The following CACUL1 variants were observed in gnomAD, a reference collection of about 807,000 sequenced individuals.
CACUL1 encodes CDK2 associated cullin domain 1, also known as CDK2-associated and cullin domain-containing protein 1.
In CACUL1, 13 loss-of-function variants were observed where a neutral mutation model predicts 45.2. The observed-to-expected ratio is 0.29, with a 90% CI of 0.19 to 0.46. The LOEUF (loss-of-function observed/expected upper bound fraction) is 0.46, where lower values mean the gene tolerates loss of function less well. Ranked by LOEUF, CACUL1 falls within the 20% of genes least tolerant of loss-of-function variation. CACUL1 has a pLI of 1.00. For missense variants in CACUL1, 421 were observed against 471.4 expected (o/e 0.89, Z 0.99); for synonymous variants, 197 against 174.2 (o/e 1.13, Z -1.03).
At chr10:118,742,885 T>C (rs1202666875) in intron 1 of CACUL1, among the ~76,000 whole-genome samples, 2 of 152,136 alleles carry the variant, frequency 1.3e-5, no homozygotes, top group Non-Finnish European at 2.9e-5. Context: ...AACTTGGGAA[T>C]ACATGTGGGA....
At chr10:118,696,106 G>A (rs1430788833) in intron 5 of CACUL1, among the ~76,000 whole-genome samples, 4 of 152,088 alleles carry the variant, frequency 2.6e-5, no homozygotes, top group Admixed American at 6.6e-5. Context: ...AGTCTCAAAC[G>A]TACAATTTGA....
Position 118,682,029 on chromosome 10 carries a change from G to A in CACUL1, c.*4099C>T, listed in dbSNP as rs1024837688. 20 of 152,090 alleles carry A rather than the reference G, an allele frequency of 1.3e-4. No individual in the cohort carries two copies. The highest frequency in any genetic ancestry group is 1.1e-3 in the Admixed American group (17 of 15,270). 9.4% of individuals were successfully genotyped at this position (152,090 alleles called of 1,614,324 possible). A position where few individuals can be genotyped will look rare whatever the true frequency, so the allele number is the denominator to read the frequency against. The stretch of plus-strand genomic sequence containing the variant: ...CAAAGTTAACTTCATTTATACAATC[G>A]TATTGAAAACAGTAATCACAACCAA... On this transcript the variant is annotated 3_prime_UTR_variant, in exon 9 of 9. Transcript: ENST00000369151.
Position 118,716,058 on chromosome 10 carries a change from C to T in CACUL1, c.598-8471G>A, listed in dbSNP as rs146896103. Among the ~76,000 whole-genome samples, 581 of 152,178 alleles carry T rather than the reference C, an allele frequency of 3.8e-3. 5 individuals carry two copies. The highest frequency in any genetic ancestry group is 0.013 in the African/African-American group (544 of 41,522). Reference sequence around the variant, plus strand: ...GAGACCATCCTAACACGGTGAAACCCCGTCTCTACTAAAAATACTAAAAAT... The same window carrying T: ...GAGACCATCCTAACACGGTGAAACCTCGTCTCTACTAAAAATACTAAAAAT... On this transcript the variant is annotated intron_variant, in intron 3 of 8. Coordinates refer to ENST00000369151, the MANE Select transcript of CACUL1 (RefSeq NM_153810.5).
In CACUL1 at chr10:118,684,837, C is replaced by T. The variant is rs928243981; in HGVS notation, c.*1291G>A. 6.6e-6 allele frequency: 1 copy of T among 152,150 alleles called. No individual in the cohort carries two copies. The highest frequency in any genetic ancestry group is 2.4e-5 in the African/African-American group (1 of 41,426). The allele number at this position is 152,150 out of a possible 1,614,324, so 9.4% of individuals were successfully genotyped here. A position where few individuals can be genotyped will look rare whatever the true frequency, so the allele number is the denominator to read the frequency against. ...AGTCTGATGTTGCCTAGTAGAGAAG[C>T]CTATGCTCAATTAAGATTCAAGCAA... is the stretch of plus-strand genomic sequence containing the variant. On this transcript the variant is annotated 3_prime_UTR_variant, in exon 9 of 9. Transcript: ENST00000369151.
chr10:118,713,203 G>C (rs1475529496), intron 3 of CACUL1, among the ~76,000 whole-genome samples: 2 of 152,234 alleles, frequency 1.3e-5, no homozygotes, highest in Non-Finnish European at 2.9e-5. Flanking sequence ...GACAGCACCT[G>C]GGCTCGCCCC....
At chr10:118,697,176 C>A (rs1054390713) in intron 5 of CACUL1, among the ~76,000 whole-genome samples, 3 of 152,148 alleles carry the variant, frequency 2.0e-5, no homozygotes, top group African/African-American at 7.2e-5. Flanking sequence ...GAGTACTGAG[C>A]ATTTAGTAAG....
chr10:118,744,919 G>A (rs1845827077), intron 1 of CACUL1, among the ~76,000 whole-genome samples: 1 of 152,128 alleles, frequency 6.6e-6, no homozygotes, highest in African/African-American at 2.4e-5. Context: ...CTCCCAAAGT[G>A]CTGGGATTAC....
intron 1 of CACUL1, among the ~76,000 whole-genome samples, chr10:118,737,725 C>T (rs1055695965): frequency 2.0e-5 from 3 of 151,460 alleles, no homozygotes; most frequent in Non-Finnish European, 4.4e-5. Context: ...TAGTGGCCTA[C>T]CAGCAGATTG....
intron 1 of CACUL1, among the ~76,000 whole-genome samples, chr10:118,733,590 T>C (rs552855590): frequency 4.5e-4 from 68 of 152,328 alleles, no homozygotes; most frequent in African/African-American, 1.6e-3. Context: ...TAGCTATTTG[T>C]TCAGTTTAAC....
At chr10:118,703,708 T>C (rs796110500) in intron 4 of CACUL1, among the ~76,000 whole-genome samples, 9 of 152,340 alleles carry the variant, frequency 5.9e-5, no homozygotes, top group African/African-American at 2.2e-4. Context: ...TGTTTCTTTA[T>C]AGATTCACCA....
chr10:118,735,296 G>T (rs927579424), intron 1 of CACUL1, among the ~76,000 whole-genome samples: 6 of 152,152 alleles, frequency 3.9e-5, no homozygotes, highest in Non-Finnish European at 5.9e-5. Flanking sequence ...GTTTATAAGG[G>T]AAGAATAAAT....
chr10:118,709,218 G>A lies in CACUL1; in HGVS notation c.598-1631C>T, dbSNP rs1564832093. On this transcript the variant is annotated intron_variant, in intron 3 of 8. Transcript: ENST00000369151. ...TTTTCATCCTTATCTCCAACAGTGG[G>A]AAAAGGGTTGGCCTTGCTGTGTCAG... is the stretch of plus-strand genomic sequence containing the variant. Among the ~76,000 whole-genome samples the A allele has an allele frequency of 2.6e-5, 4 of 152,152 alleles. No homozygotes were observed. The South Asian group carries it at 8.3e-4, about 32-fold the overall frequency.
intron 1 of CACUL1, among the ~76,000 whole-genome samples, chr10:118,743,226 C>A (rs948630111): frequency 2.0e-5 from 3 of 151,854 alleles, no homozygotes; most frequent in African/African-American, 4.8e-5. Context: ...ATGAACAGAA[C>A]CTCAGTGACT....
rs567365293 is a variant in CACUL1 at position 118,679,318 on chromosome 10, G to C, written c.*6810C>G. On this transcript the variant is annotated 3_prime_UTR_variant, in exon 9 of 9. Transcript: ENST00000369151. ...CCTGGGTTCAAGTTCTTGTGCCTGA[G>C]CCACCCAAGCAGCTGGGATTACAGG... 7 of 152,252 alleles carry C rather than the reference G, an allele frequency of 4.6e-5. No homozygotes were observed. The highest frequency in any genetic ancestry group is 1.7e-4 in the African/African-American group (7 of 41,550). 9.4% of individuals were successfully genotyped at this position (152,252 alleles called of 1,614,324 possible).
chr10:118,710,864 G>A (rs1035830143), intron 3 of CACUL1, among the ~76,000 whole-genome samples: 9 of 152,158 alleles, frequency 5.9e-5, no homozygotes, highest in African/African-American at 2.2e-4. Flanking sequence ...TAACAAGGCT[G>A]TATGACATTA....
At chr10:118,705,979 C>CTTATTTGAA in intron 4 of CACUL1, among the ~76,000 whole-genome samples, 1 of 152,128 alleles carries the variant, frequency 6.6e-6, no homozygotes, top group African/African-American at 2.4e-5. Context: ...TCTAAGATCC[C>CTTATTTGAA]TTATTTGAAT....
At chr10:118,694,620 AAGAT>A (rs992111563) in intron 6 of CACUL1, among the ~76,000 whole-genome samples, 1 of 152,222 alleles carries the variant, frequency 6.6e-6, no homozygotes, top group Non-Finnish European at 1.5e-5. Context: ...GTTTTATTCT[AAGAT>A]AGAGAGACAC....
intron 7 of CACUL1, among the ~76,000 whole-genome samples, chr10:118,690,822 G>A (rs1410622453): frequency 6.6e-6 from 1 of 152,182 alleles, no homozygotes; most frequent in Admixed American, 6.5e-5. Flanking sequence ...TAGGCAGGCG[G>A]ATCACTTGAG....
At position 118,683,966 on chromosome 10, in the gene CACUL1, T is replaced by C. The variant is rs1845181381; in HGVS notation, c.*2162A>G. On this transcript the variant is annotated 3_prime_UTR_variant, in exon 9 of 9. Coordinates refer to ENST00000369151, the MANE Select transcript of CACUL1 (RefSeq NM_153810.5). ...ATAGTGACTTCCAGTCAAGGTTTTG[T>C]TGTATTAAGAGCTGACCCATAGCCA... The C allele has an allele frequency of 6.6e-6, 1 of 152,478 alleles. No individual in the cohort carries two copies. Among genetic ancestry groups the C allele is most frequent in the Non-Finnish European group, 1.5e-5 (1 of 68,038 alleles). 9.4% of individuals were successfully genotyped at this position (152,478 alleles called of 1,614,324 possible).
Sources: gnomAD v4.1 joint callset for allele counts (sites outside exome capture counted in the v4.1 genomes callset) on GRCh38, gnomAD v4.1.1 for gene constraint, MANE v1.5 for transcripts, NCBI Gene and HGNC (gene_info 2026-07-23, HGNC 2026-07-21) for gene names.